ABR: variants seen among roughly 807,000 people sequenced by gnomAD.
ABR encodes the protein active breakpoint cluster region-related protein.
Under a neutral mutation model 107.2 loss-of-function variants are expected in ABR, and 35 were observed. The observed-to-expected ratio is 0.33, with a 90% CI of 0.25 to 0.43. The LOEUF (loss-of-function observed/expected upper bound fraction) is 0.43. Ranked by LOEUF, ABR falls within the 20% of genes least tolerant of loss-of-function variation. The pLI is 1.00. For synonymous variants in ABR, 498 were observed against 462.0 expected, an observed-to-expected ratio of 1.08 and a Z score of -1.00; for missense variants, 815 against 1,115.2, an observed-to-expected ratio of 0.73 and a Z score of 3.83.
In ABR at chr17:1,091,735, T is replaced by C. The variant is rs752559501; in HGVS notation, c.461A>G (p.Tyr154Cys). The C allele has an allele frequency of 6.2e-6, 10 of 1,614,058 alleles. No individual in the cohort carries two copies. Among genetic ancestry groups the C allele is most frequent in the Non-Finnish European group, 1.7e-6 (2 of 1,180,036 alleles). The change falls in exon 4 of 23, where the codon TAT becomes TGT. Residue 154 changes from tyrosine (Y) to cysteine (C), a missense_variant. By Grantham distance (194) the Tyr-to-Cys change is radical. Around this residue, in one of 5 missense-constraint regions of ABR, gnomAD observed 385 missense variants for 596.9 expected, o/e 0.64. Transcript: ENST00000302538. ...QDIYEIHKEFYDNLCPKVQQW... is the reference protein window; with the variant it reads ...QDIYEIHKEFCDNLCPKVQQW... ...TTGCACCTTGGGGCACAGGTTGTCA[T>C]AGAACTCCTTGTGGATCTCATAGAT...
At chr17:1,072,814 C>G (rs745674788) in intron 7 of ABR, 60 bp from the exon 8 acceptor site, 1 of 1,564,196 alleles carries the variant, frequency 6.4e-7, no homozygotes, top group Admixed American at 2.0e-5. Flanking sequence ...GTGTGGCCAC[C>G]GGGGAGTGCT....
At chr17:1,056,523 C>T (rs2033294596) in intron 13 of ABR, among the ~76,000 whole-genome samples, 1 of 152,128 alleles carries the variant, frequency 6.6e-6, no homozygotes, top group Non-Finnish European at 1.5e-5. Flanking sequence ...TTTCCCAGCA[C>T]ACAGGCAGCT....
intron 1 of ABR, among the ~76,000 whole-genome samples, chr17:1,195,175 C>T (rs1350766881): frequency 3.4e-5 from 5 of 147,570 alleles, no homozygotes; most frequent in African/African-American, 7.4e-5. Context: ...GGCGCAGTGG[C>T]GGGCGCCTGT....
In ABR at chr17:1,011,392, A is replaced by G; in HGVS notation, c.2101+454T>C. On this transcript the variant is annotated intron_variant, in intron 19 of 22. Transcript: ENST00000302538. The surrounding 1 kb of genome is among the most constrained non-coding windows in gnomAD (Gnocchi z 4.8). The stretch of plus-strand genomic sequence containing the variant: ...GTGGGGTATGTGGCTGCTGCACCTG[A>G]ACCAGCAGGAGCAGGGAGGAGAAAC... 6.0e-6 allele frequency: 1 copy of G among 167,262 alleles called. No homozygotes were observed. Among genetic ancestry groups the G allele is most frequent in the Non-Finnish European group, 1.3e-5 (1 of 77,050 alleles). 10.4% of individuals were successfully genotyped at this position (167,262 alleles called of 1,614,324 possible).
rs1393181702 is a variant in ABR at position 1,056,979 on chromosome 17, C to CT, written c.1486+18dup. 6.3e-6 allele frequency: 10 copies of CT among 1,581,042 alleles called. No homozygotes were observed. Among genetic ancestry groups the CT allele is most frequent in the Non-Finnish European group, 8.7e-6 (10 of 1,151,704 alleles). Reference sequence around the variant, plus strand: ...GGCTGGGACCTGCCGGTTGGGCCACCTCTGGTTCCCGAGCTTACCGTCTTT... The same window carrying CT: ...GGCTGGGACCTGCCGGTTGGGCCACCTTCTGGTTCCCGAGCTTACCGTCTTT... On this transcript the variant is annotated intron_variant, in intron 13 of 22. Coordinates refer to ENST00000302538, the MANE Select transcript of ABR (RefSeq NM_021962.5).
chr17:1,014,092 T>C (rs1597367336), intron 16 of ABR, among the ~76,000 whole-genome samples: 1 of 152,232 alleles, frequency 6.6e-6, no homozygotes, highest in East Asian at 1.9e-4. Context: ...TTCCTTCTCA[T>C]GGATTCAGTG....
intron 1 of ABR, among the ~76,000 whole-genome samples, chr17:1,201,291 G>C (rs765693316): frequency 6.6e-6 from 1 of 152,138 alleles, no homozygotes; most frequent in Non-Finnish European, 1.5e-5. Context: ...CTGGTGTCAC[G>C]ACGTATTGAA....
At chr17:1,018,399 C>T (rs562963513) in intron 16 of ABR, among the ~76,000 whole-genome samples, 18 of 152,334 alleles carry the variant, frequency 1.2e-4, no homozygotes, top group African/African-American at 3.8e-4. Flanking sequence ...GGGCGCAGTT[C>T]GATGTTTTGA....
In ABR at chr17:1,011,977, C is replaced by T. The variant is rs757718318; in HGVS notation, c.1970G>A (p.Arg657His). ...CCGGACGATGTAGGGCACCTTGGAG[C>T]GCTCCCGCCTGGGGTGGAGCGTGAG... is the stretch of plus-strand genomic sequence containing the variant. The part of the protein sequence containing the change: ...VKISVVTKRE[R>H]SKVPYIVRQC... The change falls in exon 19 of 23, where the codon CGC (arginine) becomes CAC (histidine). Residue 657 changes from arginine (R) to histidine (H), a missense_variant. By Grantham distance (29) the Arg-to-His change is conservative (BLOSUM62 0). This residue lies in a region of ABR where 175 missense variants were observed against 284.3 expected (regional missense o/e 0.62). Transcript: ENST00000302538. This position sits in a 1 kb window ranked among gnomAD's most constrained non-coding sequence, Gnocchi z 4.8. 63 of 1,613,184 alleles carry T rather than the reference C, an allele frequency of 3.9e-5. No individual in the cohort carries two copies. Among genetic ancestry groups the T allele is most frequent in the South Asian group, 8.8e-5 (8 of 91,048 alleles).
At chr17:1,103,253 C>T (rs1049033841) in intron 2 of ABR, among the ~76,000 whole-genome samples, 2 of 151,974 alleles carry the variant, frequency 1.3e-5, no homozygotes, top group African/African-American at 4.8e-5. Flanking sequence ...CACCGAGAGT[C>T]GGGACTGCCA....
intron 1 of ABR, among the ~76,000 whole-genome samples, chr17:1,226,945 CAG>C (rs1437096868): frequency 6.6e-6 from 1 of 152,072 alleles, no homozygotes; most frequent in African/African-American, 2.4e-5. Context: ...GCTTTGGAGA[CAG>C]AGGCAGAACC....
chr17:1,152,282 CAA>C (rs782238294), intron 1 of ABR, among the ~76,000 whole-genome samples: 1,801 of 126,856 alleles, frequency 0.014, 23 homozygotes, highest in African/African-American at 0.043. Context: ...GACTCTGTCT[CAA>C]AAAAAAAAAA....
intron 16 of ABR, among the ~76,000 whole-genome samples, chr17:1,030,518 G>A (rs1413888928): frequency 6.6e-6 from 1 of 152,232 alleles, no homozygotes; most frequent in Admixed American, 6.5e-5. Context: ...GGAGGCTGAA[G>A]GTGACACAGG....
At chr17:1,075,266 G>C (rs1347426170) in intron 6 of ABR, among the ~76,000 whole-genome samples, 1 of 152,240 alleles carries the variant, frequency 6.6e-6, no homozygotes, top group Non-Finnish European at 1.5e-5. Flanking sequence ...CTGTCCCTGG[G>C]GTCATGACCT....
At position 1,174,381 on chromosome 17, in the gene ABR, C is replaced by A. The variant is rs185656830; in HGVS notation, c.61+5286G>T. 5.9e-5 allele frequency among the ~76,000 whole-genome samples: 9 copies of A among 152,304 alleles called. No individual in the cohort carries two copies. In the East Asian group the frequency reaches 1.7e-3, roughly 29 times the overall value. On this transcript the variant is annotated intron_variant, in intron 1 of 22. Coordinates refer to ENST00000302538, the MANE Select transcript of ABR (RefSeq NM_021962.5). ...CTAGCACACACGGAGGGGTCTGATG[C>A]GGCCCCGAGAACTGAACTGCTCTGA...
intron 5 of ABR, among the ~76,000 whole-genome samples, chr17:1,082,809 C>G (rs1344223688): frequency 6.6e-6 from 1 of 152,090 alleles, no homozygotes; most frequent in Non-Finnish European, 1.5e-5. Context: ...TAAACAATGC[C>G]CCAGTGATTC....
chr17:1,011,282 C>T lies in ABR; in HGVS notation c.2102-419G>A, dbSNP rs570755256. ...CTAGGCTGCACAGAGGCACCAACGC[C>T]GGCCAGTTCCCAGGCCCCACCCCGT... On this transcript the variant is annotated intron_variant, in intron 19 of 22. Coordinates refer to ENST00000302538, the MANE Select transcript of ABR (RefSeq NM_021962.5). This position sits in a 1 kb window ranked among gnomAD's most constrained non-coding sequence, Gnocchi z 4.8. 29 of 190,924 alleles carry T rather than the reference C, an allele frequency of 1.5e-4. No homozygotes were observed. Among genetic ancestry groups the T allele is most frequent in the South Asian group, 1.4e-3 (15 of 10,454 alleles). 11.8% of individuals were successfully genotyped at this position (190,924 alleles called of 1,614,324 possible).
intron 16 of ABR, among the ~76,000 whole-genome samples, chr17:1,040,246 C>T (rs2030136325): frequency 6.6e-6 from 1 of 152,168 alleles, no homozygotes; most frequent in Non-Finnish European, 1.5e-5. Flanking sequence ...ACAAGACACC[C>T]CTTGGGGGTC....
At chr17:1,073,574 T>G in intron 7 of ABR, 51 bp downstream of exon 7, 1 of 1,407,326 alleles carries the variant, frequency 7.1e-7, no homozygotes, top group Non-Finnish European at 9.6e-7. Context: ...AGGCTCAGTC[T>G]TCCACTGAAC....
Sources: gnomAD v4.1 joint callset for allele counts (sites outside exome capture counted in the v4.1 genomes callset) on GRCh38, gnomAD v4.1.1 for gene constraint, gnomAD v4.1.1 regional missense constraint, Gnocchi (gnomAD v3.1) non-coding constraint, MANE v1.5 for transcripts, NCBI Gene and HGNC (gene_info 2026-07-23, HGNC 2026-07-21) for gene names.